The following PDE1C variants were observed in gnomAD, a reference collection of about 807,000 sequenced individuals.
PDE1C encodes the protein phosphodiesterase 1C, also known as dual specificity calcium/calmodulin-dependent 3',5'-cyclic nucleotide phosphodiesterase 1C.
A neutral mutation model predicts 93.1 loss-of-function variants in PDE1C; 62 were observed. The ratio of observed to expected loss-of-function variants is 0.67; its 90% CI spans 0.54 to 0.82. The LOEUF (loss-of-function observed/expected upper bound fraction) is 0.82. Among genes scored for constraint, PDE1C ranks in the 40% least tolerant of loss-of-function variants. PDE1C has a pLI of 0.00. For missense variants in PDE1C, 742 were observed against 884.6 expected, an observed-to-expected ratio of 0.84 and a Z score of 2.04; for synonymous variants, 325 against 310.1, an observed-to-expected ratio of 1.05 and a Z score of -0.50.
At chr7:31,777,611 GCCACCGCACCCAGCC>G (rs1783102141) in intron 16 of PDE1C, among the ~76,000 whole-genome samples, 1 of 152,102 alleles carries the variant, frequency 6.6e-6, no homozygotes, top group African/African-American at 2.4e-5. Context: ...ACAGACATGA[GCCACCGCACCCAGCC>G]CCATTTTCAT....
At chr7:31,695,098 G>C in the PDE1C span, among the ~76,000 whole-genome samples, 1 of 152,168 alleles carries the variant, frequency 6.6e-6, no homozygotes, top group East Asian at 1.9e-4. Context: ...TCCAAAGAGA[G>C]CAAGTCTTGA....
intron 7 of PDE1C, among the ~76,000 whole-genome samples, chr7:31,862,304 CA>C (rs1466658198): frequency 7.9e-5 from 12 of 152,202 alleles, no homozygotes; most frequent in Admixed American, 7.9e-4. Flanking sequence ...TTAAGTTCTA[CA>C]AGAGTACTGA....
chr7:31,955,974 C>G (rs1339593310), intron 2 of PDE1C, among the ~76,000 whole-genome samples: 1 of 152,190 alleles, frequency 6.6e-6, no homozygotes, highest in Admixed American at 6.5e-5. Flanking sequence ...TTCGGTGACC[C>G]TCTCTGAAGT....
intron 2 of PDE1C, among the ~76,000 whole-genome samples, chr7:32,047,075 G>A (rs1023538261): frequency 1.3e-5 from 2 of 151,478 alleles, no homozygotes; most frequent in African/African-American, 4.9e-5. Flanking sequence ...GTGTGTGTGT[G>A]TGTGTGTGTG....
At chr7:32,361,560 AT>A (rs1222517390) in intron 1 of PDE1C, among the ~76,000 whole-genome samples, 1 of 152,162 alleles carries the variant, frequency 6.6e-6, no homozygotes, top group Non-Finnish European at 1.5e-5. Context: ...CATGCCACGC[AT>A]GCCCACCACT....
chr7:31,942,200 G>T (rs1350610200), intron 2 of PDE1C, among the ~76,000 whole-genome samples: 1 of 152,154 alleles, frequency 6.6e-6, no homozygotes, highest in Non-Finnish European at 1.5e-5. Flanking sequence ...GGAGTTTGTG[G>T]AGGCCTTGTT....
At chr7:32,232,358 C>G (rs1208646762) in intron 1 of PDE1C, among the ~76,000 whole-genome samples, 2 of 152,126 alleles carry the variant, frequency 1.3e-5, no homozygotes, top group Non-Finnish European at 2.9e-5. Context: ...CATTCTTTTG[C>G]ACCTTAGCAC....
intron 3 of PDE1C, among the ~76,000 whole-genome samples, chr7:32,094,376 T>C (rs1797633464): frequency 6.6e-6 from 1 of 152,186 alleles, no homozygotes; most frequent in Non-Finnish European, 1.5e-5. Flanking sequence ...AGGAGGGAAA[T>C]TTTGTGCTTG....
At chr7:32,298,602 G>C in intron 1 of PDE1C, 1 of 1,557,092 alleles carries the variant, frequency 6.4e-7, no homozygotes. Flanking sequence ...CGCCACCGGA[G>C]AGGGCGTTTG....
intron 2 of PDE1C, among the ~76,000 whole-genome samples, chr7:32,187,245 C>T (rs956137837): frequency 3.3e-5 from 5 of 152,230 alleles, no homozygotes; most frequent in African/African-American, 1.2e-4. Flanking sequence ...ACTCCTGCCT[C>T]AGTCTCTCAA....
rs188127164 is a variant in PDE1C, at chr7:32,343,261, A to G, written c.310+84561T>C. Among the ~76,000 whole-genome samples the G allele has an allele frequency of 3.4e-3, 518 of 152,310 alleles. 5 individuals carry two copies. The highest frequency in any genetic ancestry group is 0.012 in the African/African-American group (484 of 41,570). On this transcript the variant is annotated intron_variant, in intron 1 of 1. Transcript: ENST00000672256. ...GTTTTCTCTTTACATTTAAACGTCA[A>G]ATTTTGACAAAGTAGGACACCAACG...
At chr7:31,778,326 G>A (rs1369619929) in intron 16 of PDE1C, among the ~76,000 whole-genome samples, 1 of 152,204 alleles carries the variant, frequency 6.6e-6, no homozygotes, top group Non-Finnish European at 1.5e-5. Flanking sequence ...TTGTGATCCA[G>A]AGCCGTTCCT....
At chr7:31,910,051 T>C (rs189196481) in intron 2 of PDE1C, among the ~76,000 whole-genome samples, 156 of 152,272 alleles carry the variant, frequency 1.0e-3, no homozygotes, top group Non-Finnish European at 1.8e-3. Flanking sequence ...TCTCTCCTAA[T>C]TGAGAACCAC....
At chr7:31,698,459 A>C in the PDE1C span, among the ~76,000 whole-genome samples, 1 of 152,198 alleles carries the variant, frequency 6.6e-6, no homozygotes, top group African/African-American at 2.4e-5. Flanking sequence ...CATGCCAGGG[A>C]CAACTCTCCC....
At chr7:31,822,271 C>A (rs937711044) in intron 14 of PDE1C, among the ~76,000 whole-genome samples, 1 of 151,986 alleles carries the variant, frequency 6.6e-6, no homozygotes, top group African/African-American at 2.4e-5. Flanking sequence ...TCACTGGGCT[C>A]CCAGAGCCAC....
chr7:31,923,933 A>G (rs1365300307), intron 2 of PDE1C, among the ~76,000 whole-genome samples: 1 of 152,224 alleles, frequency 6.6e-6, no homozygotes, highest in East Asian at 1.9e-4. Context: ...CATAGGTGTT[A>G]TAATTTCTAC....
At chr7:32,070,895 G>T (rs191527221), upstream of PDE1C, 188 of 985,592 alleles carry the variant, frequency 1.9e-4, 2 homozygotes, top group East Asian at 0.012. Context: ...CGGACGCCGC[G>T]CACCCGGCTC....
chr7:32,298,653 A>C, exon 1 of PDE1C: 1 of 1,604,700 alleles, frequency 6.2e-7, no homozygotes, highest in South Asian at 1.1e-5. Flanking sequence ...GTTCTCACCT[A>C]TGGTGAAGCT....
downstream of PDE1C, among the ~76,000 whole-genome samples, chr7:31,747,181 C>T (rs1235862883): frequency 6.6e-6 from 1 of 152,078 alleles, no homozygotes; most frequent in Admixed American, 6.5e-5. Flanking sequence ...AACAAAGGGG[C>T]ACACCAGAAA....
Sources: allele counts gnomAD v4.1 joint callset (sites outside exome capture counted in the v4.1 genomes callset), GRCh38; gene constraint gnomAD v4.1.1; transcripts MANE v1.5; gene names NCBI Gene and HGNC (gene_info 2026-07-23, HGNC 2026-07-21).